IDUA: variants seen among roughly 807,000 people sequenced by gnomAD.
IDUA encodes the protein iduronidase alpha-L-.
IDUA carries 65 observed loss-of-function variants against 68.9 expected under a neutral mutation model. The ratio of observed to expected loss-of-function variants is 0.94; its 90% confidence interval spans 0.77 to 1.16. IDUA has a LOEUF of 1.16. Ranked by LOEUF, IDUA falls within the 50% of genes most tolerant of loss-of-function variation. IDUA has a pLI of 0.00. For missense variants in IDUA, 1,046 were observed against 938.0 expected, an observed-to-expected ratio of 1.12 and a Z score of -1.50; for synonymous variants, 529 against 433.6, an observed-to-expected ratio of 1.22 and a Z score of -2.73.
Position 1,003,437 on chromosome 4 carries a change from C to CGT in IDUA, c.1623_1624dup (p.Ala542ValfsTer19). On this transcript the variant is annotated frameshift_variant, in exon 11 of 14. Transcript: ENST00000514224. LOFTEE classifies it high-confidence loss of function. ...GGCTGCCGTCGCTTTTGCTGGTGCA[C>CGT]GTGTGTGCGCGCCCCGAGAAGCCGC... 1 of 1,540,652 alleles carries CGT rather than the reference C, an allele frequency of 6.5e-7. No homozygotes were observed.
chr4:1,002,596 G>A (rs555820693), intron 8 of IDUA, 111 bp downstream of exon 8: 124 of 1,216,766 alleles, frequency 1.0e-4, no homozygotes, highest in South Asian at 9.0e-4. Context: ...CGCTTCCCGG[G>A]GTCGGCCTCC....
intron 2 of IDUA, among the ~76,000 whole-genome samples, chr4:998,329 T>C (rs911434900): frequency 1.3e-5 from 2 of 152,134 alleles, no homozygotes; most frequent in Non-Finnish European, 2.9e-5. Context: ...CGTTGAGGTG[T>C]CCAGACCTTT....
intron 12 of IDUA, 66 bp downstream of exon 12, chr4:1,003,691 C>T (rs1360558213): frequency 6.4e-7 from 1 of 1,565,644 alleles, no homozygotes; most frequent in Non-Finnish European, 8.8e-7. Context: ...CCGACCCCTT[C>T]ACCCATGCGG....
At chr4:999,162 G>A (rs527950233) in intron 2 of IDUA, among the ~76,000 whole-genome samples, 51 of 150,594 alleles carry the variant, frequency 3.4e-4, no homozygotes, top group South Asian at 1.0e-3. Flanking sequence ...CCGAGATCGC[G>A]CCACTGCACC....
chr4:988,890 G>A (rs145384499), intron 2 of IDUA: 65 of 1,602,996 alleles, frequency 4.1e-5, no homozygotes, highest in Middle Eastern at 1.7e-4. Context: ...CTGTCTGCAC[G>A]GCATCGTGCA....
intron 2 of IDUA, chr4:988,523 G>T: frequency 8.3e-7 from 1 of 1,199,554 alleles, no homozygotes; most frequent in Non-Finnish European, 1.0e-6. Context: ...GTTCAAATAA[G>T]ATGTCAACCC....
intron 2 of IDUA, chr4:989,045 C>G: frequency 6.3e-7 from 1 of 1,582,544 alleles, no homozygotes; most frequent in South Asian, 1.1e-5. Flanking sequence ...CGGCGCAGGT[C>G]CTGCAGCGTG....
intron 2 of IDUA, chr4:990,427 C>G: frequency 6.9e-7 from 1 of 1,452,196 alleles, no homozygotes; most frequent in African/African-American, 1.4e-5. Context: ...TCACCAGCAC[C>G]TGGCATGGCC....
At chr4:1,003,700 G>A (rs2305489) in intron 12 of IDUA, 75 bp downstream of exon 12, 3 of 1,522,890 alleles carry the variant, frequency 2.0e-6, no homozygotes, top group African/African-American at 2.7e-5. Context: ...TCACCCATGC[G>A]GTCACTCGGG....
At position 987,900 on chromosome 4, in the gene IDUA, G is replaced by A. The variant is rs564306004; in HGVS notation, c.250G>A (p.Gly84Ser). The change falls in exon 2 of 14, where the codon GGC becomes AGC. Residue 84 changes from glycine (G) to serine (S), a missense_variant. Coordinates refer to ENST00000514224, the MANE Select transcript of IDUA (RefSeq NM_000203.5). ...CTATGTGGGCGCCGTCCCTCACCGC[G>A]GCATCAAGCAGGTCCGGACCCACTG... Reference protein sequence around the residue: ...LAYVGAVPHRGIKQVRTHWLL... With the variant: ...LAYVGAVPHRSIKQVRTHWLL... The A allele has an allele frequency of 1.8e-4, 296 of 1,608,582 alleles. 3 individuals carry two copies. The South Asian group carries it at 3.0e-3, about 16-fold the overall frequency.
At position 988,626 on chromosome 4, in the gene IDUA, G is replaced by T. The variant is rs1459344860; in HGVS notation, c.299+677G>T. 2.2e-6 allele frequency: 3 copies of T among 1,383,026 alleles called. No homozygotes were observed. The African/African-American group carries it at 4.4e-5, about 20-fold the overall frequency. 85.7% of individuals were successfully genotyped at this position (1,383,026 alleles called of 1,614,324 possible). A position where few individuals can be genotyped will look rare whatever the true frequency, so the allele number is the denominator to read the frequency against. On this transcript the variant is annotated intron_variant, in intron 2 of 13. Transcript: ENST00000514224. ...GGGCCAGCCTGTCTCGGAGGCAGAG[G>T]TTCTTGATTTCTGAGTGTTTGGGTC...
At position 989,409 on chromosome 4, in the gene IDUA, G is replaced by A. The variant is rs373321958; in HGVS notation, c.299+1460G>A. ...TGTCCCCGATGCGGGCCAGCAGGGC[G>A]GTGCGTGGGCGTTGGGTGCGGCCGG... On this transcript the variant is annotated intron_variant, in intron 2 of 13. Transcript: ENST00000514224. 4.9e-5 allele frequency: 76 copies of A among 1,560,800 alleles called. No homozygotes were observed. The highest frequency in any genetic ancestry group is 3.8e-4 in the South Asian group (32 of 85,272).
chr4:1,002,818 C>G lies in IDUA; in HGVS notation c.1276C>G (p.Arg426Gly). 6.9e-7 allele frequency: 1 copy of G among 1,458,008 alleles called. No homozygotes were observed. Among genetic ancestry groups the G allele is most frequent in the Non-Finnish European group, 9.0e-7 (1 of 1,111,020 alleles). 90.3% of individuals were successfully genotyped at this position (1,458,008 alleles called of 1,614,324 possible). ...GGTGGGCGTCCTGGCCAGCGCCCACCGCCCCCAGGGCCCGGCCGACGCCTG... is the reference window on the plus strand; with the variant it reads ...GGTGGGCGTCCTGGCCAGCGCCCACGGCCCCCAGGGCCCGGCCGACGCCTG... Reference protein sequence around the residue: ...HTVGVLASAHRPQGPADAWRA... With the variant: ...HTVGVLASAHGPQGPADAWRA... Residue 426 changes from arginine (R) to glycine (G), a missense_variant, in exon 9 of 14, where the codon CGC becomes GGC. By Grantham distance (125) the Arg-to-Gly change is moderately radical. Coordinates refer to ENST00000514224, the MANE Select transcript of IDUA (RefSeq NM_000203.5).
intron 2 of IDUA, among the ~76,000 whole-genome samples, chr4:999,482 T>C (rs1714947898): frequency 6.6e-6 from 1 of 152,236 alleles, no homozygotes; most frequent in African/African-American, 2.4e-5. Context: ...GCTGGTCCCG[T>C]TGCATGGTAG....
chr4:990,653 A>T (rs992290275), intron 2 of IDUA: 1 of 474,110 alleles, frequency 2.1e-6, no homozygotes, highest in South Asian at 3.1e-5. Flanking sequence ...TTTCAGAATT[A>T]AGACCTCTGG....
rs759743747 is a variant in IDUA at position 1,004,161 on chromosome 4, C to A, written c.1828+49C>A. On this transcript the variant is annotated intron_variant, in intron 13 of 13. Coordinates refer to ENST00000514224, the MANE Select transcript of IDUA (RefSeq NM_000203.5). The surrounding 1 kb of genome is among the most constrained non-coding windows in gnomAD (Gnocchi z 5.0). ...GGACTCGGCCACCCCATTCTTGGGC[C>A]TCAGGGCAGTACTGGGTGGGGGCCT... The A allele has an allele frequency of 4.0e-5, 64 of 1,611,230 alleles. 1 individual carries two copies. In the Middle Eastern group the frequency reaches 2.0e-3, roughly 50 times the overall value.
At chr4:1,003,502 C>T (rs201636700) in intron 11 of IDUA, 32 bp downstream of exon 11, 16 of 1,599,404 alleles carry the variant, frequency 1.0e-5, no homozygotes, top group South Asian at 8.9e-5. Flanking sequence ...CGCGCCGCGG[C>T]CCGGACTCCC....
chr4:1,003,474 A>C lies in IDUA; in HGVS notation c.1650+4A>C. 3 of 1,576,298 alleles carry C rather than the reference A, an allele frequency of 1.9e-6. No individual in the cohort carries two copies. Among genetic ancestry groups the C allele is most frequent in the Non-Finnish European group, 1.7e-6 (2 of 1,167,818 alleles). On this transcript the variant is annotated splice_donor_region_variant and intron_variant, in intron 11 of 13. Transcript: ENST00000514224. ...CCCCGAGAAGCCGCCCGGGCAGGCA[A>C]GTGGCAGTCCCCTAACCCGCGCCGC...
chr4:1,000,796 G>A (rs1715025566), intron 3 of IDUA, 86 bp from the exon 4 acceptor site: 1 of 1,481,316 alleles, frequency 6.8e-7, no homozygotes, highest in African/African-American at 1.4e-5. Context: ...TGTCCATTCA[G>A]GGCTGGCCTT....
Sources: allele counts gnomAD v4.1 joint callset (sites outside exome capture counted in the v4.1 genomes callset), GRCh38; gene constraint gnomAD v4.1.1; non-coding constraint Gnocchi (gnomAD v3.1); transcripts MANE v1.5; gene names NCBI Gene and HGNC (gene_info 2026-07-23, HGNC 2026-07-21).